Variants in PLPP4 observed in about 807,000 individuals in gnomAD.
PLPP4 encodes the protein phospholipid phosphatase 4.
In PLPP4, 20 loss-of-function variants were observed where a neutral mutation model predicts 32.2. The ratio of observed to expected loss-of-function variants is 0.62; its 90% CI spans 0.44 to 0.90. PLPP4 has a LOEUF of 0.90. PLPP4 is among the 40% of genes least tolerant of loss of function. The pLI is 0.00. For missense variants in PLPP4, 257 were observed against 353.1 expected, an observed-to-expected ratio of 0.73 and a Z score of 2.18; for synonymous variants, 127 against 133.0, an observed-to-expected ratio of 0.95 and a Z score of 0.31.
chr10:120,457,958 C>G (rs1328345813), intron 1 of PLPP4, among the ~76,000 whole-genome samples: 1 of 152,220 alleles, frequency 6.6e-6, no homozygotes, highest in African/African-American at 2.4e-5. Context: ...GCTCTGTGCC[C>G]GGTCGATGTC....
chr10:120,582,568 CA>C (rs981735808), intron 6 of PLPP4, among the ~76,000 whole-genome samples: 31 of 36,368 alleles, frequency 8.5e-4, no homozygotes, highest in Admixed American at 4.7e-3. Flanking sequence ...GCATATCTTT[CA>C]AAAGGACACA....
chr10:120,546,138 T>C (rs1182360842), intron 5 of PLPP4, among the ~76,000 whole-genome samples: 1 of 152,188 alleles, frequency 6.6e-6, no homozygotes, highest in East Asian at 1.9e-4. Flanking sequence ...TTGGACGGCT[T>C]TCTTGCTCCT....
Position 120,525,401 on chromosome 10 carries a change from A to C in PLPP4, c.445+4306A>C, listed in dbSNP as rs116225598. On this transcript the variant is annotated intron_variant, in intron 5 of 6. Transcript: ENST00000398250. ...AAGGGGCAGTTGTTGCTTGTGGAAT[A>C]CATTTTTTAAATGACGGAGAAAGCC... Among the ~76,000 whole-genome samples the C allele has an allele frequency of 7.5e-3, 1,144 of 152,344 alleles. 15 individuals are homozygous for C. The highest frequency in any genetic ancestry group is 0.026 in the African/African-American group (1,087 of 41,578).
At chr10:120,498,317 G>A (rs1472065988) in intron 1 of PLPP4, among the ~76,000 whole-genome samples, 7 of 152,216 alleles carry the variant, frequency 4.6e-5, no homozygotes, top group African/African-American at 1.7e-4. Context: ...GGAAGTCCAT[G>A]ATTTTGAGGT....
chr10:120,558,121 C>T (rs1848243499), intron 5 of PLPP4, among the ~76,000 whole-genome samples: 1 of 151,516 alleles, frequency 6.6e-6, no homozygotes, highest in South Asian at 2.1e-4. Flanking sequence ...CTTAGAAATC[C>T]TACATTACCC....
rs138743517 is a variant in PLPP4, at chr10:120,497,061, C to T, written c.57-6757C>T. ...ACCATATTTTAATTTGATGCCAAGG[C>T]GGTTAAAGGCCTGGAGAGCCCCCAG... On this transcript the variant is annotated intron_variant, in intron 1 of 6. Coordinates refer to ENST00000398250, the MANE Select transcript of PLPP4 (RefSeq NM_001030059.3). Among the ~76,000 whole-genome samples the T allele has an allele frequency of 2.6e-3, 396 of 151,998 alleles. 3 individuals are homozygous for T. The highest frequency in any genetic ancestry group is 8.9e-3 in the African/African-American group (369 of 41,450).
intron 5 of PLPP4, among the ~76,000 whole-genome samples, chr10:120,557,844 A>G (rs926598988): frequency 1.3e-5 from 2 of 152,170 alleles, no homozygotes; most frequent in African/African-American, 2.4e-5. Context: ...ATGGCTGCAT[A>G]ACTCTTGTTA....
At chr10:120,530,134 A>T (rs1466666906) in intron 5 of PLPP4, among the ~76,000 whole-genome samples, 1 of 152,218 alleles carries the variant, frequency 6.6e-6, no homozygotes, top group African/African-American at 2.4e-5. Context: ...TGATTCTTAA[A>T]GTTATTTTAG....
At chr10:120,521,759 G>T (rs1025772208) in intron 5 of PLPP4, among the ~76,000 whole-genome samples, 1 of 152,194 alleles carries the variant, frequency 6.6e-6, no homozygotes, top group East Asian at 1.9e-4. Context: ...CTCCATTATT[G>T]GTTGGAATGA....
Position 120,589,691 on chromosome 10 carries a change from G to T in PLPP4, c.*189G>T, listed in dbSNP as rs1351010857. 3.8e-5 allele frequency: 22 copies of T among 581,054 alleles called. No homozygotes were observed. Among genetic ancestry groups the T allele is most frequent in the Non-Finnish European group, 3.9e-5 (13 of 332,694 alleles). 36.0% of individuals were successfully genotyped at this position (581,054 alleles called of 1,614,324 possible). On this transcript the variant is annotated 3_prime_UTR_variant, in exon 7 of 7. Coordinates refer to ENST00000398250, the MANE Select transcript of PLPP4 (RefSeq NM_001030059.3). ...GTCTACTTCCAACATCCTTGAATTT[G>T]CAAGTGAAGGACAACAATCTCTGAG...
At chr10:120,576,015 G>T (rs1849207214) in intron 6 of PLPP4, among the ~76,000 whole-genome samples, 1 of 152,156 alleles carries the variant, frequency 6.6e-6, no homozygotes, top group African/African-American at 2.4e-5. Context: ...AGGAAGCATG[G>T]GGTCTAGGGA....
intron 1 of PLPP4, among the ~76,000 whole-genome samples, chr10:120,489,041 C>CTCCCT (rs1038151480): frequency 4.6e-5 from 7 of 152,286 alleles, no homozygotes; most frequent in African/African-American, 1.7e-4. Flanking sequence ...TGATCCTTCC[C>CTCCCT]TCCCTCCCTA....
intron 1 of PLPP4, among the ~76,000 whole-genome samples, chr10:120,461,798 A>T (rs907932830): frequency 2.0e-5 from 3 of 152,164 alleles, no homozygotes; most frequent in Non-Finnish European, 2.9e-5. Flanking sequence ...CATCCACTTG[A>T]TGGATATTTG....
rs113124541 is a variant in PLPP4 at position 120,551,564 on chromosome 10, G to T, written c.446-23567G>T. Among the ~76,000 whole-genome samples, 1,291 of 152,304 alleles carry T rather than the reference G, an allele frequency of 8.5e-3. 22 individuals carry two copies. The highest frequency in any genetic ancestry group is 0.03 in the African/African-American group (1,240 of 41,562). On this transcript the variant is annotated intron_variant, in intron 5 of 6. Transcript: ENST00000398250. ...CATGGATGAATCTAGAAAACATTAT[G>T]TTGAGAAAAGGAAGTCAGACAGAAA...
At chr10:120,491,342 G>A (rs1844712066) in intron 1 of PLPP4, among the ~76,000 whole-genome samples, 1 of 152,136 alleles carries the variant, frequency 6.6e-6, no homozygotes, top group South Asian at 2.1e-4. Context: ...GGCATTCAGG[G>A]CCACATCCGA....
At chr10:120,578,889 A>G (rs1849349883) in intron 6 of PLPP4, among the ~76,000 whole-genome samples, 1 of 152,224 alleles carries the variant, frequency 6.6e-6, no homozygotes, top group Admixed American at 6.5e-5. Context: ...GCTAACTACA[A>G]AGCCCAGTGC....
At chr10:120,556,414 C>A (rs1848167654) in intron 5 of PLPP4, among the ~76,000 whole-genome samples, 1 of 152,180 alleles carries the variant, frequency 6.6e-6, no homozygotes, top group African/African-American at 2.4e-5. Flanking sequence ...TTAACTTAAA[C>A]TATTTCTGGC....
chr10:120,525,891 C>T (rs1340175736), intron 5 of PLPP4, among the ~76,000 whole-genome samples: 2 of 152,092 alleles, frequency 1.3e-5, no homozygotes, highest in East Asian at 3.9e-4. Flanking sequence ...CAATGATGTA[C>T]CTTACCGGGA....
chr10:120,577,695 C>G (rs557065857), intron 6 of PLPP4, among the ~76,000 whole-genome samples: 1 of 152,316 alleles, frequency 6.6e-6, no homozygotes, highest in Non-Finnish European at 1.5e-5. Flanking sequence ...ACTTCTGCAG[C>G]CCAAACTGAA....
Sources: gnomAD v4.1 joint callset for allele counts (sites outside exome capture counted in the v4.1 genomes callset) on GRCh38, gnomAD v4.1.1 for gene constraint, MANE v1.5 for transcripts, NCBI Gene and HGNC (gene_info 2026-07-23, HGNC 2026-07-21) for gene names.